Variants in DNAH1 observed in about 807,000 individuals in gnomAD.
DNAH1 encodes the protein dynein axonemal heavy chain 1.
A neutral mutation model predicts 484.3 loss-of-function variants in DNAH1; 327 were observed. The observed-to-expected ratio is 0.68, with a 90% CI of 0.62 to 0.74. The LOEUF is 0.74. Among genes scored for constraint, DNAH1 ranks in the 30% least tolerant of loss-of-function variants. The pLI is 0.00. For missense variants in DNAH1, 5,052 were observed against 5,546.8 expected (o/e 0.91, Z 2.83); for synonymous variants, 2,192 against 2,191.9 (o/e 1.00, Z 0.00).
chr3:52,311,021 G>T, the DNAH1 span, among the ~76,000 whole-genome samples: 3 of 152,212 alleles, frequency 2.0e-5, no homozygotes, highest in African/African-American at 7.2e-5. Flanking sequence ...AGGGAGGGTT[G>T]ACTGTTTCTA....
At position 52,399,659 on chromosome 3, in the gene DNAH1, T is replaced by TCTCAGCCCAAGGAG; in HGVS notation, c.12559_12572dup (p.Tyr4192SerfsTer36). 1 of 1,613,962 alleles carries TCTCAGCCCAAGGAG rather than the reference T, an allele frequency of 6.2e-7. No homozygotes were observed. The highest frequency in any genetic ancestry group is 8.5e-7 in the Non-Finnish European group (1 of 1,179,902). ...TCCAGAGGCCTTCCAGCTGGCTGAG[T>TCTCAGCCCAAGGAG]CTCAGCCCAAGGAGCTGTACACAGA... On this transcript the variant is annotated frameshift_variant, in exon 77 of 78. Transcript: ENST00000420323. LOFTEE classifies it high-confidence loss of function.
In DNAH1 at chr3:52,374,085, C is replaced by T. The variant is rs1040626810; in HGVS notation, c.6985+1032C>T. 9.5e-6 allele frequency: 10 copies of T among 1,049,978 alleles called. No homozygotes were observed. The African/African-American group carries it at 1.2e-4, about 13-fold the overall frequency. 65.0% of individuals were successfully genotyped at this position (1,049,978 alleles called of 1,614,324 possible). ...TTAAAGCTCTTTGACAGTGAAGATC[C>T]TCAGGAGAGAGATTTTCTTAAAACC... is the stretch of plus-strand genomic sequence containing the variant. On this transcript the variant is annotated intron_variant, in intron 44 of 77. Transcript: ENST00000420323.
chr3:52,336,451 A>G (rs575881083), intron 8 of DNAH1, among the ~76,000 whole-genome samples: 2 of 152,230 alleles, frequency 1.3e-5, no homozygotes, highest in South Asian at 4.1e-4. Flanking sequence ...CTCCTTGGGA[A>G]GCTGAGGTAG....
chr3:52,329,424 C>T (rs1179334006), intron 6 of DNAH1, among the ~76,000 whole-genome samples: 3 of 152,144 alleles, frequency 2.0e-5, no homozygotes, highest in African/African-American at 7.2e-5. Context: ...AGCTATAGAC[C>T]TTGTTTACCA....
Position 52,353,714 on chromosome 3 carries a change from A to G in DNAH1, c.3480+81A>G. 1.3e-6 allele frequency: 2 copies of G among 1,530,984 alleles called. No individual in the cohort carries two copies. Among genetic ancestry groups the G allele is most frequent in the Non-Finnish European group, 1.8e-6 (2 of 1,138,708 alleles). 94.8% of individuals were successfully genotyped at this position (1,530,984 alleles called of 1,614,324 possible). Reference sequence around the variant, plus strand: ...ACCTCCTGCTCTGGCAACCACAGCCACTTGGGAGGATGACAGTAATAAGCC... The same window carrying G: ...ACCTCCTGCTCTGGCAACCACAGCCGCTTGGGAGGATGACAGTAATAAGCC... On this transcript the variant is annotated intron_variant, in intron 20 of 77. Coordinates refer to ENST00000420323, the MANE Select transcript of DNAH1 (RefSeq NM_015512.5). This position sits in a 1 kb window ranked among gnomAD's most constrained non-coding sequence, Gnocchi z 5.0.
chr3:52,350,006 C>T lies in DNAH1; in HGVS notation c.2544C>T (p.Arg848=), dbSNP rs1702305767. ...ACTGCCAGATCTGCGAGGAGTTCCG[C>T]AGCATCAGCCGCAAGATCTATGAGA... ...KEVDSICEEF[R]SISRKIYEKP... The change falls in exon 15 of 78, where the codon CGC becomes CGT. Residue 848 remains arginine (R), a synonymous_variant. Coordinates refer to ENST00000420323, the MANE Select transcript of DNAH1 (RefSeq NM_015512.5). 6.2e-7 allele frequency: 1 copy of T among 1,611,052 alleles called. No individual in the cohort carries two copies. The highest frequency in any genetic ancestry group is 8.5e-7 in the Non-Finnish European group (1 of 1,178,892).
chr3:52,381,601 G>C lies in DNAH1; in HGVS notation c.7609-39G>C. 1 of 1,548,538 alleles carries C rather than the reference G, an allele frequency of 6.5e-7. No individual in the cohort carries two copies. The highest frequency in any genetic ancestry group is 8.8e-7 in the Non-Finnish European group (1 of 1,142,724). On this transcript the variant is annotated intron_variant, in intron 48 of 77. Transcript: ENST00000420323. This position sits in a 1 kb window ranked among gnomAD's most constrained non-coding sequence, Gnocchi z 4.1. ...GGGAATCGGGGAGACCCTACAGTAA[G>C]AGAGACCCCGCCTTCCCCATCCTCG...
chr3:52,329,369 A>G (rs1400117782), intron 6 of DNAH1, among the ~76,000 whole-genome samples: 1 of 152,204 alleles, frequency 6.6e-6, no homozygotes, highest in Non-Finnish European at 1.5e-5. Context: ...AAGGCAACCT[A>G]CTAGGAAGGG....
rs1393117194 is a variant in DNAH1, at chr3:52,353,747, T to TG, written c.3480+118dup. ...GGATGACAGTAATAAGCCCCATCCC[T>TG]GGGGTCATGAGGCCCAGGGGTTGAG... On this transcript the variant is annotated intron_variant, in intron 20 of 77. Transcript: ENST00000420323. This position sits in a 1 kb window ranked among gnomAD's most constrained non-coding sequence, Gnocchi z 5.0. 7 of 1,439,050 alleles carry TG rather than the reference T, an allele frequency of 4.9e-6. No individual in the cohort carries two copies. The highest frequency in any genetic ancestry group is 5.6e-6 in the Non-Finnish European group (6 of 1,069,002). The allele number at this position is 1,439,050 out of a possible 1,614,324, so 89.1% of individuals were successfully genotyped here.
chr3:52,322,716 A>G lies in DNAH1; in HGVS notation c.274A>G (p.Met92Val), dbSNP rs372325096. Residue 92 changes from methionine (M) to valine (V), a missense_variant, in exon 2 of 78, where the codon ATG (methionine) becomes GTG (valine). Physicochemically the swap from Met to Val is conservative, Grantham distance 21. Transcript: ENST00000420323. ...LTGTDKKYPL[M>V]KQRGFYSDIL... ...AGGCACTGATAAGAAGTACCCGCTGATGAAGCAGCGTGGGTTCTACTCCGA... is the reference window on the plus strand; with the variant it reads ...AGGCACTGATAAGAAGTACCCGCTGGTGAAGCAGCGTGGGTTCTACTCCGA... The G allele has an allele frequency of 5.6e-6, 9 of 1,613,304 alleles. No homozygotes were observed. The highest frequency in any genetic ancestry group is 7.6e-6 in the Non-Finnish European group (9 of 1,179,706).
chr3:52,386,136 C>G, intron 54 of DNAH1, 24 bp from the exon 55 acceptor site: 15 of 1,599,588 alleles, frequency 9.4e-6, no homozygotes, highest in Non-Finnish European at 1.3e-5. Context: ...GGGGGGAGGA[C>G]ATCCCTATGT....
intron 2 of DNAH1, among the ~76,000 whole-genome samples, chr3:52,323,392 G>C (rs1380361013): frequency 6.6e-6 from 1 of 152,228 alleles, no homozygotes; most frequent in Non-Finnish European, 1.5e-5. Flanking sequence ...GCAGCCTTAG[G>C]CTTTAGGCCA....
rs1346733065 is a variant in DNAH1 at position 52,353,169 on chromosome 3, G to A, written c.3094G>A (p.Asp1032Asn). The part of the protein sequence containing the change: ...PYLDLWTTAS[D>N]WLRWSESWMN... Reference sequence around the variant, plus strand: ...CCTGGACCTTTGGACCACAGCGTCTGACTGGCTGCGCTGGTCGGAGAGCTG... The same window carrying A: ...CCTGGACCTTTGGACCACAGCGTCTAACTGGCTGCGCTGGTCGGAGAGCTG... The change falls in exon 19 of 78, where the codon GAC (aspartate) becomes AAC (asparagine). Residue 1032 changes from aspartate (D) to asparagine (N), a missense_variant. Asp to Asn is a conservative substitution (Grantham distance 23, BLOSUM62 1). Around this residue, in one of 4 missense-constraint regions of DNAH1, gnomAD observed 2,929 missense variants for 3,409.4 expected, o/e 0.86. Transcript: ENST00000420323. The surrounding 1 kb of genome is among the most constrained non-coding windows in gnomAD (Gnocchi z 5.0). 1.2e-6 allele frequency: 2 copies of A among 1,614,020 alleles called. No individual in the cohort carries two copies. The highest frequency in any genetic ancestry group is 1.7e-6 in the Non-Finnish European group (2 of 1,179,908).
At position 52,368,693 on chromosome 3, in the gene DNAH1, A is replaced by G. The variant is rs1425763739; in HGVS notation, c.5766-48A>G. 1 of 1,581,452 alleles carries G rather than the reference A, an allele frequency of 6.3e-7. No individual in the cohort carries two copies. Among genetic ancestry groups the G allele is most frequent in the South Asian group, 1.1e-5 (1 of 88,582 alleles). On this transcript the variant is annotated intron_variant, in intron 36 of 77. Coordinates refer to ENST00000420323, the MANE Select transcript of DNAH1 (RefSeq NM_015512.5). This position sits in a 1 kb window ranked among gnomAD's most constrained non-coding sequence, Gnocchi z 4.4. The stretch of plus-strand genomic sequence containing the variant: ...TTCCCTGGGAGCCAGCTGTGCTCGA[A>G]GCACCGCCTCCCTGATGTTTCCAGC...
At chr3:52,377,061 C>T (rs1475345985) in intron 46 of DNAH1, among the ~76,000 whole-genome samples, 4 of 152,170 alleles carry the variant, frequency 2.6e-5, no homozygotes, top group African/African-American at 4.8e-5. Flanking sequence ...CCGCCTCTGA[C>T]GGGGAAAACC....
At chr3:52,326,078 G>A (rs1701326588) in intron 3 of DNAH1, 62 bp from the exon 4 acceptor site, 3 of 1,393,864 alleles carry the variant, frequency 2.2e-6, no homozygotes, top group South Asian at 3.2e-5. Context: ...TTTATGGGGT[G>A]GAGGCTGGTT....
rs1041636019 is a variant in DNAH1 at position 52,334,560 on chromosome 3, G to C, written c.1286+2166G>C. Reference sequence around the variant, plus strand: ...TCCCAGCACTTTGGGGGGCCAAGGTGGGTGGATTGATTGAGGCCAGGAGTA... The same window carrying C: ...TCCCAGCACTTTGGGGGGCCAAGGTCGGTGGATTGATTGAGGCCAGGAGTA... On this transcript the variant is annotated intron_variant, in intron 8 of 77. Coordinates refer to ENST00000420323, the MANE Select transcript of DNAH1 (RefSeq NM_015512.5). Among the ~76,000 whole-genome samples the C allele has an allele frequency of 2.0e-5, 3 of 152,122 alleles. No homozygotes were observed. The South Asian group carries it at 6.2e-4, about 32-fold the overall frequency.
At position 52,395,722 on chromosome 3, in the gene DNAH1, C is replaced by A; in HGVS notation, c.11259+44C>A. 1 of 1,594,090 alleles carries A rather than the reference C, an allele frequency of 6.3e-7. No homozygotes were observed. Among genetic ancestry groups the A allele is most frequent in the South Asian group, 1.1e-5 (1 of 89,002 alleles). ...CACAGACCCAGTGGGGCCGCCTCTG[C>A]ATCCATCAGGGACTAATGAGGCAGA... On this transcript the variant is annotated intron_variant, in intron 70 of 77. Coordinates refer to ENST00000420323, the MANE Select transcript of DNAH1 (RefSeq NM_015512.5). This position sits in a 1 kb window ranked among gnomAD's most constrained non-coding sequence, Gnocchi z 4.4.
intron 9 of DNAH1, among the ~76,000 whole-genome samples, chr3:52,344,898 T>C (rs1053934814): frequency 4.6e-5 from 7 of 152,222 alleles, no homozygotes; most frequent in African/African-American, 1.4e-4. Context: ...GGTGAATGTG[T>C]ACTAGGAAAC....
Sources: gnomAD v4.1 joint callset for allele counts (sites outside exome capture counted in the v4.1 genomes callset) on GRCh38, gnomAD v4.1.1 for gene constraint, gnomAD v4.1.1 regional missense constraint, Gnocchi (gnomAD v3.1) non-coding constraint, MANE v1.5 for transcripts, NCBI Gene and HGNC (gene_info 2026-07-23, HGNC 2026-07-21) for gene names.